FCHSD2: variants seen among roughly 807,000 people sequenced by gnomAD.
FCHSD2 encodes the protein FCH and double SH3 domains 2.
Under a neutral mutation model 108.1 loss-of-function variants are expected in FCHSD2, and 38 were observed. The ratio of observed to expected loss-of-function variants is 0.35; its 90% confidence interval spans 0.27 to 0.46. The LOEUF (loss-of-function observed/expected upper bound fraction) is 0.46, where lower values mean the gene tolerates loss of function less well. Among genes scored for constraint, FCHSD2 ranks in the 20% least tolerant of loss-of-function variants. The pLI is 1.00. For synonymous variants in FCHSD2, 279 were observed against 314.7 expected (o/e 0.89, Z 1.20); for missense variants, 751 against 897.8 (o/e 0.84, Z 2.09).
intron 2 of FCHSD2, among the ~76,000 whole-genome samples, chr11:73,108,412 T>C (rs930410520): frequency 6.6e-6 from 1 of 152,270 alleles, no homozygotes; most frequent in Admixed American, 6.5e-5. Context: ...TCACTTCATG[T>C]AATCCTATTT....
intron 8 of FCHSD2, chr11:72,983,723 T>G: frequency 2.6e-6 from 1 of 386,836 alleles, no homozygotes; most frequent in Non-Finnish European, 5.0e-6. Context: ...CAATAATTTA[T>G]TGAAACCATG....
At chr11:72,855,296 A>G (rs1861397865) in intron 13 of FCHSD2, among the ~76,000 whole-genome samples, 1 of 150,788 alleles carries the variant, frequency 6.6e-6, no homozygotes, top group Non-Finnish European at 1.5e-5. Context: ...ACAAACAAAC[A>G]AACAAACAAA....
At chr11:72,997,239 A>C (rs925983102) in intron 5 of FCHSD2, among the ~76,000 whole-genome samples, 3 of 152,200 alleles carry the variant, frequency 2.0e-5, no homozygotes, top group Admixed American at 2.0e-4. Context: ...GTTAGAGTTC[A>C]AGTCTTGTCA....
At chr11:72,849,938 G>A (rs1861237970) in intron 13 of FCHSD2, 49 bp from the exon 14 acceptor site, 1 of 1,525,612 alleles carries the variant, frequency 6.6e-7, no homozygotes, top group Non-Finnish European at 9.0e-7. Context: ...TCAAGAAAAT[G>A]GTTGAAAGCC....
Position 72,843,213 on chromosome 11 carries a change from T to A in FCHSD2, c.1643A>T (p.His548Leu). The A allele has an allele frequency of 6.2e-7, 1 of 1,614,028 alleles. No homozygotes were observed. Among genetic ancestry groups the A allele is most frequent in the South Asian group, 1.1e-5 (1 of 91,084 alleles). ...QSLAALDSRS[H>L]TSSNSTEAEL... is the part of the protein sequence containing the mutation. ...TGCTTCCGTGGAATTGCTGGACGTG[T>A]GTGACCGACTGTCCAAAGCGGCCAG... The change falls in exon 16 of 20, where the codon CAC (histidine) becomes CTC (leucine). Residue 548 changes from histidine to leucine, a missense_variant. Coordinates refer to ENST00000409418, the MANE Select transcript of FCHSD2 (RefSeq NM_014824.3).
intron 3 of FCHSD2, among the ~76,000 whole-genome samples, chr11:73,041,691 G>A (rs1858643335): frequency 6.6e-6 from 1 of 152,028 alleles, no homozygotes; most frequent in Non-Finnish European, 1.5e-5. Flanking sequence ...CATTCTACAG[G>A]TTGTCTCTTC....
chr11:72,983,035 C>G (rs929620671), intron 8 of FCHSD2, among the ~76,000 whole-genome samples: 2 of 152,098 alleles, frequency 1.3e-5, no homozygotes, highest in Non-Finnish European at 2.9e-5. Context: ...TGGCTCATGC[C>G]TGTAATCCCA....
chr11:73,106,883 T>A (rs1400780618), intron 2 of FCHSD2, among the ~76,000 whole-genome samples: 1 of 152,148 alleles, frequency 6.6e-6, no homozygotes, highest in Admixed American at 6.5e-5. Context: ...GATACAAGGA[T>A]GAAATTACCT....
intron 9 of FCHSD2, among the ~76,000 whole-genome samples, chr11:72,903,189 AT>A (rs1355812925): frequency 8.0e-4 from 7 of 8,774 alleles, no homozygotes; most frequent in Admixed American, 4.1e-3. Context: ...AAAGGAATTT[AT>A]TTATTTATTT....
At chr11:73,125,434 G>A (rs1860830413) in intron 2 of FCHSD2, among the ~76,000 whole-genome samples, 1 of 94,140 alleles carries the variant, frequency 1.1e-5, no homozygotes, top group Non-Finnish European at 2.2e-5. Flanking sequence ...ATCGAGTGTG[G>A]TGGCTCATGC....
intron 9 of FCHSD2, among the ~76,000 whole-genome samples, chr11:72,918,724 A>G (rs1430158725): frequency 6.6e-6 from 1 of 152,206 alleles, no homozygotes; most frequent in East Asian, 1.9e-4. Context: ...GTAGAATAAC[A>G]TTGTTATTTT....
chr11:73,009,225 G>T (rs891415702), intron 4 of FCHSD2, among the ~76,000 whole-genome samples: 3 of 152,174 alleles, frequency 2.0e-5, no homozygotes, highest in African/African-American at 7.2e-5. Context: ...GCTGGGTGTG[G>T]TGGCTCACGC....
At chr11:72,903,520 GGAATTTCTATAA>G (rs1318743768) in intron 9 of FCHSD2, among the ~76,000 whole-genome samples, 1 of 151,754 alleles carries the variant, frequency 6.6e-6, no homozygotes, top group African/African-American at 2.4e-5. Context: ...CGCCCGGCCT[GGAATTTCTATAA>G]AAGGAGAATT....
At chr11:73,124,473 G>T (rs761000399) in intron 2 of FCHSD2, among the ~76,000 whole-genome samples, 9 of 152,030 alleles carry the variant, frequency 5.9e-5, no homozygotes, top group South Asian at 2.1e-4. Context: ...AAGAAATAAT[G>T]GGCCAGGCGC....
chr11:73,053,578 T>C (rs1005714697), intron 3 of FCHSD2, among the ~76,000 whole-genome samples: 1 of 152,202 alleles, frequency 6.6e-6, no homozygotes, highest in African/African-American at 2.4e-5. Context: ...AAATACGTTA[T>C]CTCTTGTGAG....
intron 10 of FCHSD2, among the ~76,000 whole-genome samples, chr11:72,891,717 A>G (rs908814873): frequency 6.6e-6 from 1 of 152,236 alleles, no homozygotes; most frequent in African/African-American, 2.4e-5. Context: ...AATCCATTGT[A>G]TGCCATTTTA....
At chr11:72,967,337 C>T (rs370473294) in intron 8 of FCHSD2, among the ~76,000 whole-genome samples, 1 of 151,558 alleles carries the variant, frequency 6.6e-6, no homozygotes. Flanking sequence ...TGGTAACAGC[C>T]GAAAAGTGGA....
At chr11:72,945,407 G>C (rs559988585) in intron 8 of FCHSD2, among the ~76,000 whole-genome samples, 1 of 152,052 alleles carries the variant, frequency 6.6e-6, no homozygotes, top group Non-Finnish European at 1.5e-5. Context: ...TTCAAGATGG[G>C]TTAAAGACTT....
intron 3 of FCHSD2, among the ~76,000 whole-genome samples, chr11:73,082,032 G>A (rs760722985): frequency 3.4e-4 from 51 of 151,498 alleles, no homozygotes; most frequent in Non-Finnish European, 5.2e-4. Context: ...GCAAAATCCC[G>A]TCTCTACTAA....
Sources: gnomAD v4.1 joint callset for allele counts (sites outside exome capture counted in the v4.1 genomes callset) on GRCh38, gnomAD v4.1.1 for gene constraint, MANE v1.5 for transcripts, NCBI Gene and HGNC (gene_info 2026-07-23, HGNC 2026-07-21) for gene names.